The following GFM1 variants were observed in gnomAD, a reference collection of about 807,000 sequenced individuals.
GFM1 encodes the protein G elongation factor mitochondrial 1, also known as elongation factor G, mitochondrial.
Under a neutral mutation model 96.2 loss-of-function variants are expected in GFM1, and 62 were observed. That is an observed-to-expected ratio of 0.64 (90% CI 0.53 to 0.80). The LOEUF (loss-of-function observed/expected upper bound fraction) is 0.80, where lower values mean the gene tolerates loss of function less well. GFM1 is among the 30% of genes least tolerant of loss of function. GFM1 has a pLI of 0.00. For missense variants in GFM1, 852 were observed against 916.6 expected (o/e 0.93, Z 0.91); for synonymous variants, 282 against 312.9 (o/e 0.90, Z 1.04).
intron 10 of GFM1, among the ~76,000 whole-genome samples, chr3:158,662,266 A>G (rs1723257671): frequency 6.6e-6 from 1 of 151,930 alleles, no homozygotes. Flanking sequence ...TAATTGTATT[A>G]TATTTTGATT....
At chr3:158,646,680 A>G in intron 3 of GFM1, 63 bp from the exon 4 acceptor site, 1 of 1,339,260 alleles carries the variant, frequency 7.5e-7, no homozygotes, top group South Asian at 1.2e-5. Flanking sequence ...AAAACTTCTA[A>G]TAGTGCATAT....
intron 11 of GFM1, among the ~76,000 whole-genome samples, chr3:158,664,540 G>A (rs985531902): frequency 1.3e-5 from 2 of 152,096 alleles, no homozygotes; most frequent in Non-Finnish European, 1.5e-5. Flanking sequence ...CTTCAGTGCC[G>A]TCAACAGCTG....
Position 158,649,055 on chromosome 3 carries a change from A to G in GFM1, c.587A>G (p.His196Arg). ...TTATTTTTCAGGTCTAAACTAAATCATAATGCAGCGTTTATGCAGATACCC... is the reference window on the plus strand; with the variant it reads ...TTATTTTTCAGGTCTAAACTAAATCGTAATGCAGCGTTTATGCAGATACCC... ...ALQQMRSKLN[H>R]NAAFMQIPMG... Residue 196 changes from histidine (H) to arginine (R), a missense_variant, in exon 5 of 18, where the codon CAT (histidine) becomes CGT (arginine). Transcript: ENST00000486715. 1 of 1,505,432 alleles carries G rather than the reference A, an allele frequency of 6.6e-7. No individual in the cohort carries two copies. The highest frequency in any genetic ancestry group is 2.3e-5 in the East Asian group (1 of 44,350). The allele number at this position is 1,505,432 out of a possible 1,614,324, so 93.3% of individuals were successfully genotyped here.
At chr3:158,653,734 C>A (rs1722494087) in intron 7 of GFM1, among the ~76,000 whole-genome samples, 1 of 150,836 alleles carries the variant, frequency 6.6e-6, no homozygotes. Flanking sequence ...TCATTTGGGA[C>A]TAGCTGTTTT....
At chr3:158,679,192 T>C (rs1725160677) in intron 13 of GFM1, among the ~76,000 whole-genome samples, 1 of 152,256 alleles carries the variant, frequency 6.6e-6, no homozygotes, top group Non-Finnish European at 1.5e-5. Flanking sequence ...ATTTTTAAAT[T>C]AAGGTATGTA....
intron 14 of GFM1, among the ~76,000 whole-genome samples, chr3:158,684,186 C>T (rs1247019177): frequency 6.6e-6 from 1 of 152,014 alleles, no homozygotes; most frequent in Non-Finnish European, 1.5e-5. Flanking sequence ...GAACAACACA[C>T]ACTGGAGCCT....
chr3:158,694,194 G>A lies in GFM1; in HGVS notation c.*2727G>A, dbSNP rs1726470447. Reference sequence around the variant, plus strand: ...GGAATCAACCTAAATGCCTATCACTGATAGACTGGATAAAGAAAATGTGGT... The same window carrying A: ...GGAATCAACCTAAATGCCTATCACTAATAGACTGGATAAAGAAAATGTGGT... On this transcript the variant is annotated 3_prime_UTR_variant, in exon 18 of 18. Transcript: ENST00000486715. 1.3e-5 allele frequency among the ~76,000 whole-genome samples: 2 copies of A among 152,196 alleles called. No individual in the cohort carries two copies. The highest frequency in any genetic ancestry group is 3.9e-4 in the East Asian group (2 of 5,178).
chr3:158,648,052 T>C, intron 4 of GFM1, among the ~76,000 whole-genome samples: 1 of 152,204 alleles, frequency 6.6e-6, no homozygotes, highest in East Asian at 1.9e-4. Flanking sequence ...GTCTCTTCAG[T>C]TACTTAGCTT....
chr3:158,689,281 G>A (rs937828644), intron 15 of GFM1, among the ~76,000 whole-genome samples: 7 of 152,050 alleles, frequency 4.6e-5, no homozygotes, highest in Admixed American at 1.3e-4. Flanking sequence ...AATCTAGTCC[G>A]GAATCCTTAT....
At chr3:158,683,824 G>C (rs1725607729) in intron 14 of GFM1, among the ~76,000 whole-genome samples, 1 of 152,202 alleles carries the variant, frequency 6.6e-6, no homozygotes, top group Admixed American at 6.5e-5. Context: ...TCTAAGCATT[G>C]CTTTCAAACC....
At chr3:158,672,181 TC>T (rs890912362) in intron 13 of GFM1, among the ~76,000 whole-genome samples, 1 of 152,088 alleles carries the variant, frequency 6.6e-6, no homozygotes, top group African/African-American at 2.4e-5. Flanking sequence ...GTATAGACAT[TC>T]CCCCAGAAAC....
chr3:158,672,632 T>G, intron 13 of GFM1: 3 of 860,846 alleles, frequency 3.5e-6, no homozygotes, highest in Non-Finnish European at 5.2e-6. Context: ...TCCTTCCGAC[T>G]CCGGAAGCTG....
chr3:158,681,854 C>G, intron 13 of GFM1, 141 bp from the exon 14 acceptor site: 1 of 785,946 alleles, frequency 1.3e-6, no homozygotes, highest in Non-Finnish European at 2.1e-6. Flanking sequence ...AAAATAAATT[C>G]TACAATAAAC....
chr3:158,662,801 C>T lies in GFM1; in HGVS notation c.1380+117C>T, dbSNP rs751164647. 6 of 745,220 alleles carry T rather than the reference C, an allele frequency of 8.1e-6. No individual in the cohort carries two copies. In the African/African-American group the frequency reaches 8.8e-5, roughly 11 times the overall value. 46.2% of individuals were successfully genotyped at this position (745,220 alleles called of 1,614,324 possible). A position where few individuals can be genotyped will look rare whatever the true frequency, so the allele number is the denominator to read the frequency against. ...CCAGCAGTCTTATGGTCTCTATTTC[C>T]TCTGTTGGTATTGAGATCTTCTTTT... On this transcript the variant is annotated intron_variant, in intron 11 of 17. Coordinates refer to ENST00000486715, the MANE Select transcript of GFM1 (RefSeq NM_024996.7).
chr3:158,668,542 A>G (rs1156654874), intron 13 of GFM1, among the ~76,000 whole-genome samples: 1 of 152,234 alleles, frequency 6.6e-6, no homozygotes. Context: ...GGAAAGTATC[A>G]TAGTTAAATC....
intron 9 of GFM1, among the ~76,000 whole-genome samples, chr3:158,659,962 G>T (rs916092748): frequency 2.0e-5 from 3 of 152,172 alleles, no homozygotes; most frequent in East Asian, 3.8e-4. Context: ...AGAAAGACAT[G>T]CTTACTCACA....
chr3:158,690,124 G>T (rs1465899071), intron 15 of GFM1, 39 bp from the exon 16 acceptor site: 2 of 1,549,880 alleles, frequency 1.3e-6, no homozygotes, highest in African/African-American at 1.4e-5. Flanking sequence ...GTTGTAGTTT[G>T]TATGAAGACT....
At position 158,694,664 on chromosome 3, in the gene GFM1, C is replaced by G. The variant is rs1184605451; in HGVS notation, c.*3197C>G. ...CCTCTGGCCTCAGCCTCTGGAGTAG[C>G]TGGGACAAGAGGCACACACCACCAT... On this transcript the variant is annotated 3_prime_UTR_variant, in exon 18 of 18. Coordinates refer to ENST00000486715, the MANE Select transcript of GFM1 (RefSeq NM_024996.7). Among the ~76,000 whole-genome samples the G allele has an allele frequency of 6.6e-6, 1 of 152,046 alleles. No homozygotes were observed. The highest frequency in any genetic ancestry group is 1.5e-5 in the Non-Finnish European group (1 of 68,006).
intron 13 of GFM1, among the ~76,000 whole-genome samples, chr3:158,680,561 T>C (rs1459899645): frequency 1.3e-5 from 2 of 152,196 alleles, no homozygotes; most frequent in African/African-American, 2.4e-5. Flanking sequence ...TGTATTAGCC[T>C]TCTAGAAGAA....
Sources: allele counts gnomAD v4.1 joint callset (sites outside exome capture counted in the v4.1 genomes callset), GRCh38; gene constraint gnomAD v4.1.1; transcripts MANE v1.5; gene names NCBI Gene and HGNC (gene_info 2026-07-23, HGNC 2026-07-21).